The following SDK1 variants were observed in gnomAD, a reference collection of about 807,000 sequenced individuals.
SDK1 encodes sidekick cell adhesion molecule 1.
SDK1 carries 157 observed loss-of-function variants against 245.5 expected under a neutral mutation model. The observed-to-expected ratio is 0.64, with a 90% CI of 0.56 to 0.73. The LOEUF is 0.73. Ranked by LOEUF, SDK1 falls within the 30% of genes least tolerant of loss-of-function variation. The probability of loss-of-function intolerance (pLI) is 0.00; values close to 1 mark genes in which losing one functional copy is unlikely to be tolerated. For missense variants in SDK1, 3,583 were observed against 3,002.3 expected (o/e 1.19, Z -4.52); for synonymous variants, 1,647 against 1,278.5 (o/e 1.29, Z -6.15).
chr7:4,251,913 T>C (rs1787326044), intron 44 of SDK1, among the ~76,000 whole-genome samples: 1 of 152,242 alleles, frequency 6.6e-6, no homozygotes, highest in Non-Finnish European at 1.5e-5. Context: ...GTTTGGAGTT[T>C]TGTCAGATGG....
chr7:3,612,941 C>G (rs1210955365), intron 1 of SDK1, among the ~76,000 whole-genome samples: 1 of 150,176 alleles, frequency 6.7e-6, no homozygotes, highest in Non-Finnish European at 1.5e-5. Context: ...ACAGTTGATT[C>G]TTCTGCTAAG....
At chr7:4,126,975 C>T (rs990071271) in intron 25 of SDK1, among the ~76,000 whole-genome samples, 1 of 152,120 alleles carries the variant, frequency 6.6e-6, no homozygotes, top group Non-Finnish European at 1.5e-5. Context: ...TGTGTAAATC[C>T]TCACGCCCCC....
intron 25 of SDK1, among the ~76,000 whole-genome samples, chr7:4,118,576 G>A (rs1783864586): frequency 6.6e-6 from 1 of 152,226 alleles, no homozygotes; most frequent in African/African-American, 2.4e-5. Context: ...CTACTCCTAG[G>A]TATGTACCCA....
chr7:4,251,671 C>T (rs937780083), intron 44 of SDK1, among the ~76,000 whole-genome samples: 1 of 152,214 alleles, frequency 6.6e-6, no homozygotes, highest in Non-Finnish European at 1.5e-5. Flanking sequence ...AGTTTAGACA[C>T]TGCAGTCTTA....
chr7:3,608,323 G>T (rs1027434589), intron 1 of SDK1, among the ~76,000 whole-genome samples: 7 of 152,188 alleles, frequency 4.6e-5, no homozygotes, highest in African/African-American at 1.7e-4. Context: ...GAGGTTGTCC[G>T]AGCTGGGAGT....
chr7:3,760,125 CATAA>C (rs1212633023), intron 4 of SDK1, among the ~76,000 whole-genome samples: 1 of 151,990 alleles, frequency 6.6e-6, no homozygotes, highest in Non-Finnish European at 1.5e-5. Context: ...AAAATTCCTC[CATAA>C]ATAAAGAGAT....
Position 3,974,424 on chromosome 7 carries a change from G to A in SDK1, c.1873G>A (p.Val625Met), listed in dbSNP as rs147156647. ...GACTCCATCGAGCACGTCTAGGATC[G>A]TGGTGGAGAAGGACGGGTCCCTTCT... ...ALTPSSTSRI[V>M]VEKDGSLLIS... The change falls in exon 13 of 45, where the codon GTG becomes ATG. Residue 625 changes from valine to methionine, a missense_variant. Val to Met is a conservative substitution (Grantham distance 21). Transcript: ENST00000404826. 27 of 1,614,012 alleles carry A rather than the reference G, an allele frequency of 1.7e-5. No individual in the cohort carries two copies. Among genetic ancestry groups the A allele is most frequent in the East Asian group, 2.2e-5 (1 of 44,890 alleles).
intron 4 of SDK1, among the ~76,000 whole-genome samples, chr7:3,736,871 T>G (rs1018348294): frequency 6.6e-6 from 1 of 152,228 alleles, no homozygotes; most frequent in Non-Finnish European, 1.5e-5. Context: ...CACCACGCTG[T>G]AGCTTAGATC....
At chr7:3,491,166 G>A (rs1426922830) in intron 1 of SDK1, among the ~76,000 whole-genome samples, 5 of 152,180 alleles carry the variant, frequency 3.3e-5, no homozygotes, top group South Asian at 2.1e-4. Flanking sequence ...TTGATTTTAC[G>A]GAAGTATGTA....
intron 1 of SDK1, among the ~76,000 whole-genome samples, chr7:3,465,937 T>C (rs1780986484): frequency 6.6e-6 from 1 of 152,126 alleles, no homozygotes; most frequent in Admixed American, 6.5e-5. Context: ...GAATAAAAAG[T>C]GTTGCTGTAA....
At chr7:3,441,512 A>G (rs1156285465) in intron 1 of SDK1, among the ~76,000 whole-genome samples, 1 of 152,146 alleles carries the variant, frequency 6.6e-6, no homozygotes, top group Non-Finnish European at 1.5e-5. Context: ...CTTGGAAATC[A>G]CTTGTCCATG....
At chr7:3,581,676 A>T (rs1002695021) in intron 1 of SDK1, among the ~76,000 whole-genome samples, 1 of 152,248 alleles carries the variant, frequency 6.6e-6, no homozygotes, top group African/African-American at 2.4e-5. Flanking sequence ...AAATCGTTCT[A>T]CGACAAAGAC....
rs1283272380 is a variant in SDK1 at position 4,067,873 on chromosome 7, A to G, written c.2947A>G (p.Ile983Val). The G allele has an allele frequency of 6.2e-7, 1 of 1,613,414 alleles. No homozygotes were observed. The highest frequency in any genetic ancestry group is 1.1e-5 in the South Asian group (1 of 90,698). Reference protein sequence around the residue: ...GAVGHLSFTEILDTSLKVSWQ... With the variant: ...GAVGHLSFTEVLDTSLKVSWQ... ...TGTGGGACATCTGAGTTTCACAGAG[A>G]TCTTGGACACATCTCTCAAGGTCAG... The change falls in exon 20 of 45, where the codon ATC becomes GTC. Residue 983 changes from isoleucine to valine, a missense_variant. Transcript: ENST00000404826.
chr7:3,975,060 C>G (rs543773982), intron 13 of SDK1, among the ~76,000 whole-genome samples: 2 of 152,212 alleles, frequency 1.3e-5, no homozygotes, highest in East Asian at 1.9e-4. Flanking sequence ...AGCAACTGCC[C>G]GTTACTTCCA....
intron 1 of SDK1, among the ~76,000 whole-genome samples, chr7:3,604,419 T>G (rs1420777426): frequency 6.6e-6 from 1 of 152,164 alleles, no homozygotes; most frequent in Non-Finnish European, 1.5e-5. Context: ...GAAGGTGGGT[T>G]ATTGACTTCA....
rs908842210 is a variant in SDK1, at chr7:4,110,539, C to G, written c.3325-124C>G. 2.1e-5 allele frequency: 14 copies of G among 680,532 alleles called. No homozygotes were observed. In the Admixed American group the frequency reaches 2.6e-4, roughly 13 times the overall value. 42.2% of individuals were successfully genotyped at this position (680,532 alleles called of 1,614,324 possible). A position where few individuals can be genotyped will look rare whatever the true frequency, so the allele number is the denominator to read the frequency against. The stretch of plus-strand genomic sequence containing the variant: ...GGGGTTGTGCAGGACTCAACTTGTC[C>G]CAGGTGTGGGGACGCCTTGCAGCCC... On this transcript the variant is annotated intron_variant, in intron 22 of 44. Transcript: ENST00000404826.
chr7:3,493,642 A>G (rs1184825470), intron 1 of SDK1, among the ~76,000 whole-genome samples: 1 of 152,354 alleles, frequency 6.6e-6, no homozygotes, highest in East Asian at 1.9e-4. Flanking sequence ...TGTTATCTTC[A>G]TGAGTCAGGG....
At chr7:3,676,216 A>C (rs961209634) in intron 4 of SDK1, among the ~76,000 whole-genome samples, 3 of 151,456 alleles carry the variant, frequency 2.0e-5, no homozygotes, top group Non-Finnish European at 4.4e-5. Context: ...ACGGGGTCTC[A>C]CTATGTTGCC....
At chr7:3,442,783 C>T (rs1251819865) in intron 1 of SDK1, among the ~76,000 whole-genome samples, 1 of 152,146 alleles carries the variant, frequency 6.6e-6, no homozygotes, top group Non-Finnish European at 1.5e-5. Flanking sequence ...GTTCTTGTTG[C>T]CAGTGACTAC....
Sources: allele counts gnomAD v4.1 joint callset (sites outside exome capture counted in the v4.1 genomes callset), GRCh38; gene constraint gnomAD v4.1.1; transcripts MANE v1.5; gene names NCBI Gene and HGNC (gene_info 2026-07-23, HGNC 2026-07-21).